FAXC: variants seen among roughly 807,000 people sequenced by gnomAD.
FAXC encodes failed axon connections homolog.
A neutral mutation model predicts 41.9 loss-of-function variants in FAXC; 10 were observed. That is an observed-to-expected ratio of 0.24 (90% CI 0.15 to 0.41). The LOEUF (loss-of-function observed/expected upper bound fraction) is 0.41. FAXC is among the 10% of genes least tolerant of loss of function. The pLI is 1.00. For missense variants in FAXC, 399 were observed against 510.9 expected, an observed-to-expected ratio of 0.78 and a Z score of 2.11; for synonymous variants, 183 against 183.8, an observed-to-expected ratio of 1.00 and a Z score of 0.03.
intron 4 of FAXC, among the ~76,000 whole-genome samples, chr6:99,313,860 C>T (rs1437777792): frequency 6.6e-6 from 1 of 152,200 alleles, no homozygotes. Flanking sequence ...TGCATCTCTA[C>T]TCATGTGTCT....
rs542855201 is a variant in FAXC, at chr6:99,276,195, G to T, written c.*4969C>A. ...GAAAGAAAGAAGAATAACCTGAGTT[G>T]TTCCCTATCAACAAAAGCCACCAAC... On this transcript the variant is annotated 3_prime_UTR_variant, in exon 6 of 6. Coordinates refer to ENST00000389677, the MANE Select transcript of FAXC (RefSeq NM_032511.4). 6.6e-6 allele frequency: 1 copy of T among 151,472 alleles called. No homozygotes were observed. The highest frequency in any genetic ancestry group is 2.4e-5 in the African/African-American group (1 of 41,354). The allele number at this position is 151,472 out of a possible 1,614,324, so 9.4% of individuals were successfully genotyped here. A position where few individuals can be genotyped will look rare whatever the true frequency, so the allele number is the denominator to read the frequency against.
intron 5 of FAXC, among the ~76,000 whole-genome samples, chr6:99,289,225 C>T (rs1028283303): frequency 2.0e-5 from 3 of 152,182 alleles, no homozygotes; most frequent in Admixed American, 1.3e-4. Context: ...CAGGCACTTG[C>T]TTAGGTACTG....
At chr6:99,305,421 G>C (rs1470556177) in intron 4 of FAXC, among the ~76,000 whole-genome samples, 1 of 152,148 alleles carries the variant, frequency 6.6e-6, no homozygotes, top group African/African-American at 2.4e-5. Context: ...TCTACAGCCA[G>C]ACTCCCAGGG....
At chr6:99,339,129 G>A (rs996373014) in intron 2 of FAXC, among the ~76,000 whole-genome samples, 2 of 152,228 alleles carry the variant, frequency 1.3e-5, no homozygotes, top group African/African-American at 4.8e-5. Flanking sequence ...GTCAGGAGCT[G>A]GAGGAGTAAT....
rs759854253 is a variant in FAXC at position 99,277,929 on chromosome 6, C to T, written c.*3235G>A. 5.3e-5 allele frequency: 8 copies of T among 152,220 alleles called. No individual in the cohort carries two copies. The highest frequency in any genetic ancestry group is 1.0e-4 in the Non-Finnish European group (7 of 68,052). The allele number at this position is 152,220 out of a possible 1,614,324, so 9.4% of individuals were successfully genotyped here. A position where few individuals can be genotyped will look rare whatever the true frequency, so the allele number is the denominator to read the frequency against. ...TTAGCACAGCTATACATTTCTATGACTCTACATTATCTCTCAAACAAATCT... is the reference window on the plus strand; with the variant it reads ...TTAGCACAGCTATACATTTCTATGATTCTACATTATCTCTCAAACAAATCT... On this transcript the variant is annotated 3_prime_UTR_variant, in exon 6 of 6. Transcript: ENST00000389677.
At chr6:99,342,371 G>A (rs1293081291) in intron 2 of FAXC, among the ~76,000 whole-genome samples, 1 of 149,600 alleles carries the variant, frequency 6.7e-6, no homozygotes, top group African/African-American at 2.5e-5. Context: ...TTGAGATGGA[G>A]TCTTGCTCTG....
chr6:99,309,181 T>A lies in FAXC; in HGVS notation c.823+14263A>T, dbSNP rs560396281. 3.8e-4 allele frequency among the ~76,000 whole-genome samples: 58 copies of A among 152,176 alleles called. 1 individual carries two copies. The highest frequency in any genetic ancestry group is 1.3e-3 in the African/African-American group (56 of 41,534). On this transcript the variant is annotated intron_variant, in intron 4 of 5. Transcript: ENST00000389677. ...GTACTCATAAAGATTTTTTAAAGAC[T>A]ATTGTCTACATGATGCTATCTTGTA...
At chr6:99,335,659 T>C (rs1773190969) in intron 2 of FAXC, among the ~76,000 whole-genome samples, 1 of 152,204 alleles carries the variant, frequency 6.6e-6, no homozygotes, top group African/African-American at 2.4e-5. Context: ...TTTTTCTTTG[T>C]TCAGGTGTGC....
chr6:99,301,294 C>T (rs1771695792), intron 4 of FAXC, among the ~76,000 whole-genome samples: 1 of 152,326 alleles, frequency 6.6e-6, no homozygotes, highest in East Asian at 1.9e-4. Context: ...TGCTTCTCTT[C>T]AAGTGCAGGA....
intron 2 of FAXC, 47 bp downstream of exon 2, chr6:99,342,851 C>T: frequency 1.3e-6 from 2 of 1,545,614 alleles, no homozygotes; most frequent in East Asian, 4.5e-5. Flanking sequence ...AATACTCATC[C>T]CCTGATACTG....
chr6:99,347,489 A>G (rs1342588985), intron 1 of FAXC, among the ~76,000 whole-genome samples: 1 of 152,116 alleles, frequency 6.6e-6, no homozygotes, highest in Non-Finnish European at 1.5e-5. Context: ...GTGCTGAGGT[A>G]TATAGTCCCC....
chr6:99,306,248 C>T (rs1057227643), intron 4 of FAXC, among the ~76,000 whole-genome samples: 2 of 152,142 alleles, frequency 1.3e-5, no homozygotes, highest in Non-Finnish European at 2.9e-5. Context: ...GGTTAAGATA[C>T]AGCAGGCAAG....
intron 4 of FAXC, among the ~76,000 whole-genome samples, chr6:99,318,306 C>CACACACACACAAAAAA (rs147852055): frequency 1.5e-5 from 2 of 135,230 alleles, no homozygotes; most frequent in Non-Finnish European, 3.2e-5. Flanking sequence ...CACACACACA[C>CACACACACACAAAAAA]AAAATAGAAG....
At chr6:99,331,407 C>T (rs1773019184) in intron 3 of FAXC, among the ~76,000 whole-genome samples, 1 of 152,104 alleles carries the variant, frequency 6.6e-6, no homozygotes, top group South Asian at 2.1e-4. Flanking sequence ...CTCCACCCCG[C>T]ATGGAGTATC....
intron 3 of FAXC, among the ~76,000 whole-genome samples, chr6:99,332,178 T>TCA (rs1237512239): frequency 3.3e-5 from 5 of 151,874 alleles, no homozygotes; most frequent in African/African-American, 1.2e-4. Context: ...AAGAAGAGGG[T>TCA]CACTTAAAAT....
chr6:99,313,905 C>T (rs774744990), intron 4 of FAXC, among the ~76,000 whole-genome samples: 20 of 152,172 alleles, frequency 1.3e-4, no homozygotes, highest in Non-Finnish European at 2.6e-4. Flanking sequence ...CATACCCACA[C>T]CTGAAATTCA....
chr6:99,346,609 G>A (rs1238254880), intron 1 of FAXC, among the ~76,000 whole-genome samples: 1 of 33,826 alleles, frequency 3.0e-5, no homozygotes, highest in Non-Finnish European at 4.6e-5. Flanking sequence ...CACAATGTTG[G>A]CCAGATGGTC....
chr6:99,349,340 C>T lies in FAXC; in HGVS notation c.33G>A (p.Arg11=), dbSNP rs1173347209. The change falls in exon 1 of 6, where the codon AGG becomes AGA. Residue 11 remains arginine (R), a synonymous_variant. Coordinates refer to ENST00000389677, the MANE Select transcript of FAXC (RefSeq NM_032511.4). Reference sequence around the variant, plus strand: ...TCCAGCTCAGATCCACCACGCACGGCCTGGACGAAGCAAAGCCAACCCCCC... The same window carrying T: ...TCCAGCTCAGATCCACCACGCACGGTCTGGACGAAGCAAAGCCAACCCCCC... MHWGVGFASS[R]PCVVDLSWNQ... is the part of the protein sequence containing the mutation. 1 of 1,612,578 alleles carries T rather than the reference C, an allele frequency of 6.2e-7. No individual in the cohort carries two copies. Among genetic ancestry groups the T allele is most frequent in the African/African-American group, 1.3e-5 (1 of 74,922 alleles).
At chr6:99,310,021 T>C (rs1772096819) in intron 4 of FAXC, 1 of 345,210 alleles carries the variant, frequency 2.9e-6, no homozygotes, top group Non-Finnish European at 4.1e-6. Flanking sequence ...GAACCCCATC[T>C]GGCCCGCTCA....
Sources: gnomAD v4.1 joint callset for allele counts (sites outside exome capture counted in the v4.1 genomes callset) on GRCh38, gnomAD v4.1.1 for gene constraint, MANE v1.5 for transcripts, NCBI Gene and HGNC (gene_info 2026-07-23, HGNC 2026-07-21) for gene names.